Variants in NRXN3 observed in about 807,000 individuals in gnomAD.
NRXN3 encodes the protein neurexin III.
NRXN3 carries 32 observed loss-of-function variants against 137.6 expected under a neutral mutation model. That is an observed-to-expected ratio of 0.23 (90% CI 0.18 to 0.31). NRXN3 has a LOEUF of 0.31. Among genes scored for constraint, NRXN3 ranks in the 10% least tolerant of loss-of-function variants. The pLI is 1.00. For missense variants in NRXN3, 1,574 were observed against 2,062.5 expected, an observed-to-expected ratio of 0.76 and a Z score of 4.59; for synonymous variants, 798 against 784.5, an observed-to-expected ratio of 1.02 and a Z score of -0.29.
chr14:78,450,729 A>C (rs1241690117), intron 4 of NRXN3, among the ~76,000 whole-genome samples: 1 of 152,074 alleles, frequency 6.6e-6, no homozygotes, highest in Non-Finnish European at 1.5e-5. Flanking sequence ...ACAGGACTTC[A>C]TTTTCCAGTA....
In NRXN3 at chr14:78,651,212, A is replaced by G. The variant is rs755378711; in HGVS notation, c.1107A>G (p.Gln369=). Residue 369 remains glutamine (Q), a synonymous_variant, in exon 6 of 21, where the codon CAA becomes CAG. Transcript: ENST00000335750. ...DGILTTTGYT[Q]EDYTMLGSDD... is the part of the protein sequence containing the mutation. ...TTCTTACCACGACGGGCTACACTCAAGAGGACTATACCATGCTGGGCTCGG... is the reference window on the plus strand; with the variant it reads ...TTCTTACCACGACGGGCTACACTCAGGAGGACTATACCATGCTGGGCTCGG... 17 of 1,613,806 alleles carry G rather than the reference A, an allele frequency of 1.1e-5. No individual in the cohort carries two copies. In the African/African-American group the frequency reaches 2.1e-4, roughly 20 times the overall value.
intron 4 of NRXN3, among the ~76,000 whole-genome samples, chr14:78,599,812 T>C (rs1361431200): frequency 6.6e-6 from 1 of 152,036 alleles, no homozygotes; most frequent in Admixed American, 6.5e-5. Context: ...GTTAAATGGA[T>C]AGGGAAAAAA....
At chr14:78,989,925 T>C (rs2099515132) in intron 15 of NRXN3, among the ~76,000 whole-genome samples, 1 of 152,182 alleles carries the variant, frequency 6.6e-6, no homozygotes, top group Non-Finnish European at 1.5e-5. Context: ...TTTGACAAGT[T>C]CCTGTCTGTC....
intron 15 of NRXN3, among the ~76,000 whole-genome samples, chr14:79,151,370 A>G (rs545367247): frequency 7.2e-5 from 11 of 152,070 alleles, no homozygotes; most frequent in Non-Finnish European, 1.3e-4. Flanking sequence ...GAGTCCCAGA[A>G]CAGAGGTGAG....
chr14:78,261,904 G>C (rs1002817204), intron 2 of NRXN3, among the ~76,000 whole-genome samples: 2 of 152,200 alleles, frequency 1.3e-5, no homozygotes, highest in African/African-American at 2.4e-5. Flanking sequence ...CACAATCAGG[G>C]GTGATCAAAA....
At chr14:79,256,668 G>A (rs963821768) in intron 15 of NRXN3, among the ~76,000 whole-genome samples, 2 of 152,190 alleles carry the variant, frequency 1.3e-5, no homozygotes, top group African/African-American at 4.8e-5. Flanking sequence ...CTGGAACAGG[G>A]ACAGAGATCT....
At chr14:79,510,431 A>C (rs1243407493) in intron 16 of NRXN3, among the ~76,000 whole-genome samples, 1 of 152,164 alleles carries the variant, frequency 6.6e-6, no homozygotes, top group African/African-American at 2.4e-5. Flanking sequence ...GGGAAGACTT[A>C]CCAGCCAGGT....
chr14:78,749,886 G>T (rs896238392), intron 8 of NRXN3, among the ~76,000 whole-genome samples: 2 of 152,212 alleles, frequency 1.3e-5, no homozygotes, highest in Non-Finnish European at 2.9e-5. Context: ...GCTGTCTCTA[G>T]AATTATCTTG....
chr14:79,705,269 CTT>C (rs1391127489), intron 19 of NRXN3, among the ~76,000 whole-genome samples: 5 of 152,046 alleles, frequency 3.3e-5, no homozygotes, highest in Non-Finnish European at 7.4e-5. Context: ...CTAACAGACT[CTT>C]TAGCCGAATC....
At chr14:78,688,824 A>C (rs1353164596) in intron 6 of NRXN3, among the ~76,000 whole-genome samples, 1 of 152,160 alleles carries the variant, frequency 6.6e-6, no homozygotes, top group East Asian at 1.9e-4. Context: ...AACAGGGAAC[A>C]CAGATGGGCT....
intron 15 of NRXN3, among the ~76,000 whole-genome samples, chr14:79,332,420 C>T (rs1309789242): frequency 2.0e-5 from 3 of 152,194 alleles, no homozygotes; most frequent in African/African-American, 4.8e-5. Flanking sequence ...GTCCGCAATA[C>T]GTCCTGCGCT....
intron 1 of NRXN3, among the ~76,000 whole-genome samples, chr14:78,226,244 C>T (rs987589802): frequency 2.4e-4 from 37 of 152,220 alleles, no homozygotes; most frequent in African/African-American, 8.7e-4. Flanking sequence ...ACCTCGTGAT[C>T]CACTCACCTT....
At chr14:78,974,182 A>T (rs1267980407) in intron 14 of NRXN3, among the ~76,000 whole-genome samples, 4 of 152,176 alleles carry the variant, frequency 2.6e-5, no homozygotes, top group Admixed American at 1.3e-4. Flanking sequence ...CATTATGTTT[A>T]ATTGTCAAGA....
chr14:78,296,983 G>A (rs1008437554), intron 3 of NRXN3, among the ~76,000 whole-genome samples: 2 of 152,168 alleles, frequency 1.3e-5, no homozygotes, highest in Non-Finnish European at 2.9e-5. Context: ...CTTCTTAATA[G>A]ATTTATCAAG....
At chr14:78,661,433 A>G (rs1040513915) in intron 6 of NRXN3, among the ~76,000 whole-genome samples, 1 of 152,212 alleles carries the variant, frequency 6.6e-6, no homozygotes, top group Non-Finnish European at 1.5e-5. Flanking sequence ...TAAAATACCA[A>G]TGGGCCCTGA....
chr14:79,230,845 CA>C (rs2072047934), intron 15 of NRXN3, among the ~76,000 whole-genome samples: 1 of 151,974 alleles, frequency 6.6e-6, no homozygotes, highest in Non-Finnish European at 1.5e-5. Context: ...TCCTGCTATT[CA>C]ATACTTCTGA....
intron 4 of NRXN3, among the ~76,000 whole-genome samples, chr14:78,475,308 G>C (rs1343385230): frequency 6.6e-6 from 1 of 152,176 alleles, no homozygotes; most frequent in Admixed American, 6.5e-5. Context: ...AGGTTAGCAT[G>C]GTAAGCTGCT....
At chr14:79,154,113 C>A (rs2060040011) in intron 15 of NRXN3, among the ~76,000 whole-genome samples, 1 of 151,960 alleles carries the variant, frequency 6.6e-6, no homozygotes, top group South Asian at 2.1e-4. Context: ...TCTTATATAC[C>A]AGGAATATAA....
chr14:78,235,935 A>G (rs1352059467), intron 1 of NRXN3, among the ~76,000 whole-genome samples: 3 of 152,260 alleles, frequency 2.0e-5, no homozygotes, highest in African/African-American at 7.2e-5. Context: ...ATTGCAAAGC[A>G]TGGTGGATAT....
Sources: gnomAD v4.1 joint callset for allele counts (sites outside exome capture counted in the v4.1 genomes callset) on GRCh38, gnomAD v4.1.1 for gene constraint, MANE v1.5 for transcripts, NCBI Gene and HGNC (gene_info 2026-07-23, HGNC 2026-07-21) for gene names.